MCF2L2: variants seen among roughly 807,000 people sequenced by gnomAD.
MCF2L2 encodes probable guanine nucleotide exchange factor MCF2L2.
Under a neutral mutation model 150.2 loss-of-function variants are expected in MCF2L2, and 102 were observed. That is an observed-to-expected ratio of 0.68 (90% CI 0.58 to 0.80). The LOEUF is 0.80. Ranked by LOEUF, MCF2L2 falls within the 30% of genes least tolerant of loss-of-function variation. MCF2L2 has a pLI of 0.00. For synonymous variants in MCF2L2, 465 were observed against 491.3 expected, an observed-to-expected ratio of 0.95 and a Z score of 0.71; for missense variants, 1,256 against 1,372.8, an observed-to-expected ratio of 0.91 and a Z score of 1.34.
chr3:183,233,020 C>G (rs1029610702), intron 15 of MCF2L2, among the ~76,000 whole-genome samples: 1 of 152,078 alleles, frequency 6.6e-6, no homozygotes, highest in Admixed American at 6.6e-5. Flanking sequence ...CAACAACAAC[C>G]AGATATAAAC....
chr3:183,427,845 A>T lies in MCF2L2; in HGVS notation c.76+57T>A, dbSNP rs1317420608. The T allele has an allele frequency of 2.0e-6, 3 of 1,467,486 alleles. No individual in the cohort carries two copies. The African/African-American group carries it at 4.2e-5, about 20-fold the overall frequency. The allele number at this position is 1,467,486 out of a possible 1,614,324, so 90.9% of individuals were successfully genotyped here. A position where few individuals can be genotyped will look rare whatever the true frequency, so the allele number is the denominator to read the frequency against. Reference sequence around the variant, plus strand: ...TGAGGCCAGGAGCCAGATGAAGCCCAGAGACCATCCTCACCCGCCATTAAT... The same window carrying T: ...TGAGGCCAGGAGCCAGATGAAGCCCTGAGACCATCCTCACCCGCCATTAAT... On this transcript the variant is annotated intron_variant, in intron 1 of 29. Coordinates refer to ENST00000328913, the MANE Select transcript of MCF2L2 (RefSeq NM_015078.4).
chr3:183,324,513 ACTTC>A (rs1729944810), intron 5 of MCF2L2, among the ~76,000 whole-genome samples: 1 of 152,214 alleles, frequency 6.6e-6, no homozygotes, highest in African/African-American at 2.4e-5. Flanking sequence ...AAGAATATGG[ACTTC>A]CTTCTATTAT....
intron 26 of MCF2L2, among the ~76,000 whole-genome samples, chr3:183,193,330 G>T (rs1029726284): frequency 6.6e-6 from 1 of 151,200 alleles, no homozygotes; most frequent in Non-Finnish European, 1.5e-5. Context: ...CATCTAATTG[G>T]CTGCAAATCT....
intron 15 of MCF2L2, chr3:183,265,212 A>G (rs1252174065): frequency 2.6e-5 from 4 of 152,256 alleles, no homozygotes; most frequent in African/African-American, 9.6e-5. Context: ...CCAAGGTTAC[A>G]CAATAAATCT....
chr3:183,348,131 G>A (rs1730971295), intron 3 of MCF2L2, among the ~76,000 whole-genome samples: 1 of 152,094 alleles, frequency 6.6e-6, no homozygotes. Flanking sequence ...GTTTACAATA[G>A]TAAAGACCTA....
rs746644265 is a variant in MCF2L2, at chr3:183,295,312, G to C, written c.1663C>G (p.Pro555Ala). The C allele has an allele frequency of 2.5e-6, 4 of 1,608,234 alleles. No homozygotes were observed. The highest frequency in any genetic ancestry group is 3.4e-6 in the Non-Finnish European group (4 of 1,177,184). The change falls in exon 13 of 30, where the codon CCC (proline) becomes GCC (alanine). Residue 555 changes from proline (P) to alanine (A), a missense_variant. Transcript: ENST00000328913. ...PKWVSSKTSQ[P>A]STSVPLARPL... is the part of the protein sequence containing the mutation. ...TCAAATAACCTACCCGAGGTGGAGGGCTGGCTGGTTTTTGATGACACCCAT... is the reference window on the plus strand; with the variant it reads ...TCAAATAACCTACCCGAGGTGGAGGCCTGGCTGGTTTTTGATGACACCCAT...
intron 3 of MCF2L2, among the ~76,000 whole-genome samples, chr3:183,344,983 T>A (rs1730843860): frequency 6.6e-6 from 1 of 152,150 alleles, no homozygotes; most frequent in African/African-American, 2.4e-5. Flanking sequence ...ACTGGGAGAC[T>A]TTAACACCCC....
chr3:183,337,255 G>A (rs1173652107), intron 5 of MCF2L2, among the ~76,000 whole-genome samples: 1 of 152,062 alleles, frequency 6.6e-6, no homozygotes, highest in East Asian at 1.9e-4. Flanking sequence ...TAGGTTAGGT[G>A]TATGTTTAAA....
intron 3 of MCF2L2, chr3:183,373,874 ACT>A (rs1477858889): frequency 2.0e-5 from 3 of 151,952 alleles, no homozygotes; most frequent in Non-Finnish European, 4.4e-5. Flanking sequence ...CACACAGAAT[ACT>A]CCACACACCA....
chr3:183,253,563 G>GT (rs1223848618), intron 15 of MCF2L2: 2 of 152,298 alleles, frequency 1.3e-5, no homozygotes, highest in African/African-American at 4.8e-5. Context: ...CTAGTTTGCT[G>GT]TAAGTTTCCT....
In MCF2L2 at chr3:183,233,361, A is replaced by AT. The variant is rs575214405; in HGVS notation, c.1863-2345_1863-2344insA. ...GAGTGAAACTCCATCTCAAAAAAAA[A>AT]ATATATATATACATACATATAGATA... On this transcript the variant is annotated intron_variant, in intron 15 of 29. Coordinates refer to ENST00000328913, the MANE Select transcript of MCF2L2 (RefSeq NM_015078.4). 2.5e-3 allele frequency among the ~76,000 whole-genome samples: 373 copies of AT among 150,634 alleles called. 1 individual carries two copies. Among genetic ancestry groups the AT allele is most frequent in the Middle Eastern group, 3.4e-3 (1 of 292 alleles).
chr3:183,426,805 T>C (rs559041437), intron 1 of MCF2L2, among the ~76,000 whole-genome samples: 3 of 152,364 alleles, frequency 2.0e-5, no homozygotes, highest in African/African-American at 4.8e-5. Flanking sequence ...GTGCCCACAA[T>C]TGGCACCAGA....
intron 1 of MCF2L2, among the ~76,000 whole-genome samples, chr3:183,402,465 A>AAAAAAAAAAAAAAAAAAAG (rs1300651616): frequency 6.7e-6 from 1 of 149,826 alleles, no homozygotes; most frequent in Non-Finnish European, 1.5e-5. Flanking sequence ...AAAAAAAAAA[A>AAAAAAAAAAAAAAAAAAAG]AAAAAAAAGA....
intron 5 of MCF2L2, among the ~76,000 whole-genome samples, chr3:183,333,160 C>T (rs1730335435): frequency 6.6e-6 from 1 of 152,146 alleles, no homozygotes; most frequent in East Asian, 1.9e-4. Context: ...AATTCTCCTG[C>T]CTCAGCCCCC....
At chr3:183,309,969 A>T (rs1030470094) in intron 9 of MCF2L2, 134 bp from the exon 10 acceptor site, 263 of 910,820 alleles carry the variant, frequency 2.9e-4, no homozygotes, top group Middle Eastern at 3.7e-4. Flanking sequence ...TATGTTAAAA[A>T]TTTTTTTTTT....
chr3:183,335,722 G>T (rs1459301454), intron 5 of MCF2L2, among the ~76,000 whole-genome samples: 1 of 151,878 alleles, frequency 6.6e-6, no homozygotes, highest in Non-Finnish European at 1.5e-5. Flanking sequence ...TAAAAAATCA[G>T]CCAGGCATGG....
Position 183,428,100 on chromosome 3 carries a change from C to T in MCF2L2, c.-123G>A, listed in dbSNP as rs1716269892. 1 of 747,478 alleles carries T rather than the reference C, an allele frequency of 1.3e-6. No homozygotes were observed. The highest frequency in any genetic ancestry group is 1.5e-5 in the South Asian group (1 of 64,650). 46.3% of individuals were successfully genotyped at this position (747,478 alleles called of 1,614,324 possible). On this transcript the variant is annotated 5_prime_UTR_variant, in exon 1 of 30. Coordinates refer to ENST00000328913, the MANE Select transcript of MCF2L2 (RefSeq NM_015078.4). This position sits in a 1 kb window ranked among gnomAD's most constrained non-coding sequence, Gnocchi z 5.1. ...CTGCCCTCGCCCTCTTCCTGGCTCT[C>T]CAGGCAAGAAACGAGAGTCCCTCGC...
intron 27 of MCF2L2, 105 bp from the exon 28 acceptor site, chr3:183,180,264 C>A: frequency 1.3e-6 from 1 of 742,370 alleles, no homozygotes; most frequent in Non-Finnish European, 2.4e-6. Context: ...CACGGTCCTC[C>A]CCATCTCTAA....
chr3:183,323,511 G>A (rs2108521264), intron 5 of MCF2L2, among the ~76,000 whole-genome samples, 160 bp from the exon 6 acceptor site: 1 of 152,034 alleles, frequency 6.6e-6, no homozygotes, highest in East Asian at 1.9e-4. Context: ...AATGGTTACA[G>A]CCAAGCACAG....
Sources: allele counts gnomAD v4.1 joint callset (sites outside exome capture counted in the v4.1 genomes callset), GRCh38; gene constraint gnomAD v4.1.1; non-coding constraint Gnocchi (gnomAD v3.1); transcripts MANE v1.5; gene names NCBI Gene and HGNC (gene_info 2026-07-23, HGNC 2026-07-21).